The following LANCL1 variants were observed in gnomAD, a reference collection of about 807,000 sequenced individuals.
LANCL1 encodes glutathione S-transferase LANCL1.
In LANCL1, 50 loss-of-function variants were observed where a neutral mutation model predicts 50.6. The ratio of observed to expected loss-of-function variants is 0.99; its 90% CI spans 0.79 to 1.25. The LOEUF is 1.25. LANCL1 is among the 50% of genes most tolerant of loss of function. The pLI, the probability that LANCL1 is intolerant of heterozygous loss-of-function variation, is 0.00. For missense variants in LANCL1, 532 were observed against 480.7 expected (o/e 1.11, Z -1.00); for synonymous variants, 188 against 178.6 (o/e 1.05, Z -0.42).
At chr2:210,444,453 G>T (rs1464489242) in intron 4 of LANCL1, among the ~76,000 whole-genome samples, 1 of 152,214 alleles carries the variant, frequency 6.6e-6, no homozygotes, top group Non-Finnish European at 1.5e-5. Flanking sequence ...GTGGCTGACA[G>T]TTATGAAAGA....
Position 210,441,542 on chromosome 2 carries a change from A to G in LANCL1, c.408-99T>C, listed in dbSNP as rs1574416784. 10 of 874,462 alleles carry G rather than the reference A, an allele frequency of 1.1e-5. No homozygotes were observed. The East Asian group carries it at 1.8e-4, about 15-fold the overall frequency. 54.2% of individuals were successfully genotyped at this position (874,462 alleles called of 1,614,324 possible). ...TGAAAAAAATATACATGCACACAAA[A>G]TATGTATTTATACATATATAATATC... On this transcript the variant is annotated intron_variant, in intron 4 of 9. Transcript: ENST00000450366.
chr2:210,466,677 T>G lies in LANCL1; in HGVS notation c.199+5282A>C, dbSNP rs1418798064. Among the ~76,000 whole-genome samples, 14 of 152,200 alleles carry G rather than the reference T, an allele frequency of 9.2e-5. 1 individual carries two copies. The highest frequency in any genetic ancestry group is 8.5e-4 in the Admixed American group (13 of 15,286). On this transcript the variant is annotated intron_variant, in intron 3 of 9. Transcript: ENST00000450366. ...CAGCCTTTACTGACAAATTGGATTT[T>G]CTGCCTCCTCCTTTGATTTTTCAGC...
At position 210,434,396 on chromosome 2, in the gene LANCL1, T is replaced by C. The variant is rs1413773270; in HGVS notation, c.*91A>G. On this transcript the variant is annotated 3_prime_UTR_variant, in exon 10 of 10. Coordinates refer to ENST00000450366, the MANE Select transcript of LANCL1 (RefSeq NM_006055.3). The stretch of plus-strand genomic sequence containing the variant: ...AAAATCAAGTCCACAGTTTGACTCT[T>C]TGTTTCCTTGGAAAGCAACGGAAGC... 13 of 922,148 alleles carry C rather than the reference T, an allele frequency of 1.4e-5. No homozygotes were observed. Among genetic ancestry groups the C allele is most frequent in the East Asian group, 5.2e-5 (2 of 38,170 alleles). 57.1% of individuals were successfully genotyped at this position (922,148 alleles called of 1,614,324 possible).
chr2:210,474,844 T>C lies in LANCL1; in HGVS notation c.81+1472A>G, dbSNP rs182072008. Among the ~76,000 whole-genome samples the C allele has an allele frequency of 2.2e-3, 335 of 152,332 alleles. 1 individual carries two copies. The highest frequency in any genetic ancestry group is 2.4e-3 in the Non-Finnish European group (164 of 68,022). ...TTGAAGGTTTCTGTCACTAGGACAA[T>C]CCTCAACTGTTCTCTTTGCCAAGTC... On this transcript the variant is annotated intron_variant, in intron 2 of 9. Transcript: ENST00000450366.
At chr2:210,435,667 G>A (rs1252574726) in intron 8 of LANCL1, among the ~76,000 whole-genome samples, 2 of 152,110 alleles carry the variant, frequency 1.3e-5, no homozygotes, top group East Asian at 1.9e-4. Context: ...TATCTACAAG[G>A]TTATTCAAGA....
intron 3 of LANCL1, among the ~76,000 whole-genome samples, chr2:210,466,810 C>T (rs1375168262): frequency 2.0e-5 from 3 of 152,092 alleles, no homozygotes; most frequent in Non-Finnish European, 4.4e-5. Flanking sequence ...GAGATGCCAT[C>T]GTTGATACAG....
intron 3 of LANCL1, among the ~76,000 whole-genome samples, chr2:210,471,042 A>ATTTTTTTT (rs35572251): frequency 6.2e-5 from 6 of 96,286 alleles, no homozygotes; most frequent in Non-Finnish European, 1.0e-4. Flanking sequence ...TTCTTCTTTG[A>ATTTTTTTT]TTTTTTTTTT....
intron 4 of LANCL1, among the ~76,000 whole-genome samples, chr2:210,443,555 A>G (rs1362739617): frequency 6.6e-6 from 1 of 152,206 alleles, no homozygotes; most frequent in Non-Finnish European, 1.5e-5. Flanking sequence ...TCTGTGAAAT[A>G]AATAGTCCCT....
intron 3 of LANCL1, among the ~76,000 whole-genome samples, chr2:210,459,230 T>C (rs1230393985): frequency 6.6e-6 from 1 of 152,066 alleles, no homozygotes; most frequent in African/African-American, 2.4e-5. Context: ...ATGACTATTA[T>C]GTATATCCAC....
chr2:210,477,515 ACT>A, upstream of LANCL1: 4 of 1,289,488 alleles, frequency 3.1e-6, no homozygotes, highest in Non-Finnish European at 3.9e-6. Flanking sequence ...AGTCAGCCTC[ACT>A]CTCTCCTTTT....
At chr2:210,462,661 A>C (rs1489239165) in intron 3 of LANCL1, among the ~76,000 whole-genome samples, 3 of 152,246 alleles carry the variant, frequency 2.0e-5, no homozygotes, top group African/African-American at 7.2e-5. Context: ...AAGATTAGGA[A>C]GGGGAAAAAC....
intron 4 of LANCL1, among the ~76,000 whole-genome samples, chr2:210,445,133 A>G (rs1693274853): frequency 6.7e-6 from 1 of 150,290 alleles, no homozygotes. Context: ...TTACTTTTGC[A>G]AAGATTGAAA....
At chr2:210,473,659 AAT>A (rs1694282264) in intron 2 of LANCL1, among the ~76,000 whole-genome samples, 1 of 152,194 alleles carries the variant, frequency 6.6e-6, no homozygotes, top group Non-Finnish European at 1.5e-5. Flanking sequence ...CAACAACAAC[AAT>A]AGTTTAAGGA....
At chr2:210,454,271 A>G (rs979320592) in intron 4 of LANCL1, among the ~76,000 whole-genome samples, 1 of 151,300 alleles carries the variant, frequency 6.6e-6, no homozygotes, top group Non-Finnish European at 1.5e-5. Context: ...CGCCTAAACA[A>G]TAGGGGTATA....
At chr2:210,434,829 G>C (rs1460389102) in intron 9 of LANCL1, among the ~76,000 whole-genome samples, 1 of 151,918 alleles carries the variant, frequency 6.6e-6, no homozygotes, top group Non-Finnish European at 1.5e-5. Flanking sequence ...CACCCCCCGA[G>C]AGCAGTTACA....
At chr2:210,454,327 CA>C (rs1693601909) in intron 4 of LANCL1, among the ~76,000 whole-genome samples, 1 of 151,694 alleles carries the variant, frequency 6.6e-6, no homozygotes, top group South Asian at 2.1e-4. Flanking sequence ...TTAAAAAGTC[CA>C]AAAAGCCTGT....
chr2:210,447,342 G>A (rs2105899363), intron 4 of LANCL1, among the ~76,000 whole-genome samples: 1 of 152,256 alleles, frequency 6.6e-6, no homozygotes, highest in Middle Eastern at 3.4e-3. Context: ...CCTTACAAGA[G>A]CTCCTGAAGG....
chr2:210,473,937 G>A (rs1483616715), intron 2 of LANCL1, among the ~76,000 whole-genome samples: 1 of 152,182 alleles, frequency 6.6e-6, no homozygotes, highest in Non-Finnish European at 1.5e-5. Flanking sequence ...AGATAGAAGA[G>A]TGCATCTATA....
chr2:210,446,359 C>T (rs1258487213), intron 4 of LANCL1, among the ~76,000 whole-genome samples: 1 of 152,126 alleles, frequency 6.6e-6, no homozygotes, highest in Non-Finnish European at 1.5e-5. Context: ...AGGTCACCAA[C>T]GTCAAAGACC....
Sources: allele counts gnomAD v4.1 joint callset (sites outside exome capture counted in the v4.1 genomes callset), GRCh38; gene constraint gnomAD v4.1.1; transcripts MANE v1.5; gene names NCBI Gene and HGNC (gene_info 2026-07-23, HGNC 2026-07-21).